Variants in MTFP1 observed in about 807,000 individuals in gnomAD.
The protein encoded by MTFP1 is mitochondrial fission process 1, also known as mitochondrial fission process protein 1.
MTFP1 carries 19 observed loss-of-function variants against 17.1 expected under a neutral mutation model. The ratio of observed to expected loss-of-function variants is 1.11; its 90% confidence interval spans 0.77 to 1.63. The LOEUF is 1.63. Among genes scored for constraint, MTFP1 ranks in the 40% most tolerant of loss-of-function variants. The pLI, the probability that MTFP1 is intolerant of heterozygous loss-of-function variation, is 0.00. For missense variants in MTFP1, 221 were observed against 226.2 expected, an observed-to-expected ratio of 0.98 and a Z score of 0.15; for synonymous variants, 89 against 95.2, an observed-to-expected ratio of 0.93 and a Z score of 0.38.
At chr22:30,427,688 C>T (rs1934698396) in intron 3 of MTFP1, among the ~76,000 whole-genome samples, 1 of 152,170 alleles carries the variant, frequency 6.6e-6, no homozygotes, top group Admixed American at 6.5e-5. Flanking sequence ...TACAAAACAA[C>T]CAGAGAGAAG....
Position 30,428,634 on chromosome 22 carries a change from A to C in MTFP1, c.*100A>C, listed in dbSNP as rs114347202. ...ACACCTGGCTCCCTGGTGTCCAAAG[A>C]CCCTGGCACCTGGGTGGGTTTGAGC... On this transcript the variant is annotated 3_prime_UTR_variant, in exon 4 of 4. Coordinates refer to ENST00000266263, the MANE Select transcript of MTFP1 (RefSeq NM_016498.5). 9.8e-5 allele frequency: 157 copies of C among 1,609,792 alleles called. No homozygotes were observed. Among genetic ancestry groups the C allele is most frequent in the South Asian group, 9.2e-4 (83 of 89,842 alleles).
At chr22:30,428,406 C>G in intron 3 of MTFP1, 56 bp from the exon 4 acceptor site, 2 of 1,506,536 alleles carry the variant, frequency 1.3e-6, no homozygotes, top group East Asian at 2.3e-5. Flanking sequence ...CTTCTGCCTT[C>G]TGTTCCCTCA....
At position 30,425,865 on chromosome 22, in the gene MTFP1, C is replaced by T. The variant is rs1934657297; in HGVS notation, c.-15C>T. 1.3e-6 allele frequency: 2 copies of T among 1,532,032 alleles called. No homozygotes were observed. Among genetic ancestry groups the T allele is most frequent in the Non-Finnish European group, 1.8e-6 (2 of 1,140,418 alleles). 94.9% of individuals were successfully genotyped at this position (1,532,032 alleles called of 1,614,324 possible). A position where few individuals can be genotyped will look rare whatever the true frequency, so the allele number is the denominator to read the frequency against. On this transcript the variant is annotated 5_prime_UTR_variant, in exon 1 of 4. Transcript: ENST00000266263. ...CAGTACCGGCTGTAGTGGCCGGGGCCGTGGCGGGAGAGTCATGTCAGAGCC... is the reference window on the plus strand; with the variant it reads ...CAGTACCGGCTGTAGTGGCCGGGGCTGTGGCGGGAGAGTCATGTCAGAGCC...
Position 30,428,794 on chromosome 22 carries a change from C to G in MTFP1, c.*260C>G. 1.1e-6 allele frequency: 1 copy of G among 916,942 alleles called. No homozygotes were observed. The highest frequency in any genetic ancestry group is 1.7e-6 in the Non-Finnish European group (1 of 596,704). The allele number at this position is 916,942 out of a possible 1,614,324, so 56.8% of individuals were successfully genotyped here. ...AAGTGGACCCTGGGTGGGCCCGGCCCTGTCTTTTTCAGGAAAATTACATCC... is the reference window on the plus strand; with the variant it reads ...AAGTGGACCCTGGGTGGGCCCGGCCGTGTCTTTTTCAGGAAAATTACATCC... On this transcript the variant is annotated 3_prime_UTR_variant, in exon 4 of 4. Coordinates refer to ENST00000266263, the MANE Select transcript of MTFP1 (RefSeq NM_016498.5).
At position 30,427,227 on chromosome 22, in the gene MTFP1, C is replaced by G. The variant is rs757133098; in HGVS notation, c.252C>G (p.Thr84=). 6.2e-7 allele frequency: 1 copy of G among 1,614,094 alleles called. No individual in the cohort carries two copies. The highest frequency in any genetic ancestry group is 1.7e-5 in the Admixed American group (1 of 60,034). ...GGGTGACTGTGGCTGTGGTGGACAC[C>G]TTTGTATGGCAGGCTCTAGCCTCTG... The part of the protein sequence containing the change: ...SARVTVAVVD[T]FVWQALASVA... The change falls in exon 3 of 4, where the codon ACC becomes ACG. Residue 84 remains threonine, a synonymous_variant. Transcript: ENST00000266263.
At chr22:30,426,155 G>A (rs1176025235) in intron 1 of MTFP1, among the ~76,000 whole-genome samples, 1 of 152,228 alleles carries the variant, frequency 6.6e-6, no homozygotes, top group African/African-American at 2.4e-5. Context: ...CTCCCATGGG[G>A]TGAGCGGGCT....
intron 2 of MTFP1, 81 bp from the exon 3 acceptor site, chr22:30,427,084 TTGCCCC>T: frequency 6.7e-7 from 1 of 1,486,978 alleles, no homozygotes; most frequent in Non-Finnish European, 9.4e-7. Context: ...CACTGGCCAC[TTGCCCC>T]TCCCGGTCTA....
Position 30,428,820 on chromosome 22 carries a change from TC to T in MTFP1, c.*289del. 7.1e-6 allele frequency: 5 copies of T among 707,886 alleles called. No homozygotes were observed. Among genetic ancestry groups the T allele is most frequent in the African/African-American group, 1.8e-5 (1 of 55,782 alleles). 43.9% of individuals were successfully genotyped at this position (707,886 alleles called of 1,614,324 possible). ...TGTCTTTTTCAGGAAAATTACATCCTCCCATGGAGGATGAGAGACTGAGGCT... is the reference window on the plus strand; with the variant it reads ...TGTCTTTTTCAGGAAAATTACATCCTCCATGGAGGATGAGAGACTGAGGCT... On this transcript the variant is annotated 3_prime_UTR_variant, in exon 4 of 4. Coordinates refer to ENST00000266263, the MANE Select transcript of MTFP1 (RefSeq NM_016498.5).
Position 30,427,336 on chromosome 22 carries a change from G to A in MTFP1, c.361G>A (p.Val121Ile), listed in dbSNP as rs181729673. Reference sequence around the variant, plus strand: ...CACTGCCACCCGCTGGCCCCTGGCTGTCCGCAAGTGGACCACCACCGCGCT... The same window carrying A: ...CACTGCCACCCGCTGGCCCCTGGCTATCCGCAAGTGGACCACCACCGCGCT... ...LGTATRWPLAVRKWTTTALGL... is the reference protein window; with the variant it reads ...LGTATRWPLAIRKWTTTALGL... The change falls in exon 3 of 4, where the codon GTC becomes ATC. Residue 121 changes from valine (V) to isoleucine (I), a missense_variant. Physicochemically the swap from Val to Ile is conservative, Grantham distance 29 (BLOSUM62 3). Coordinates refer to ENST00000266263, the MANE Select transcript of MTFP1 (RefSeq NM_016498.5). 4.3e-6 allele frequency: 7 copies of A among 1,614,132 alleles called. No individual in the cohort carries two copies. In the East Asian group the frequency reaches 1.3e-4, roughly 31 times the overall value.
At position 30,425,870 on chromosome 22, in the gene MTFP1, C is replaced by T; in HGVS notation, c.-10C>T. ...CCGGCTGTAGTGGCCGGGGCCGTGG[C>T]GGGAGAGTCATGTCAGAGCCGCAGC... is the stretch of plus-strand genomic sequence containing the variant. On this transcript the variant is annotated 5_prime_UTR_variant, in exon 1 of 4. Coordinates refer to ENST00000266263, the MANE Select transcript of MTFP1 (RefSeq NM_016498.5). 6.5e-7 allele frequency: 1 copy of T among 1,531,992 alleles called. No individual in the cohort carries two copies. The highest frequency in any genetic ancestry group is 8.8e-7 in the Non-Finnish European group (1 of 1,140,310). The allele number at this position is 1,531,992 out of a possible 1,614,324, so 94.9% of individuals were successfully genotyped here.
In MTFP1 at chr22:30,426,788, G is replaced by A. The variant is rs369159462; in HGVS notation, c.139G>A (p.Val47Met). ...PAAVVWLSYG[V>M]ASSYVLADAI... ...GGCGGTGGTGTGGCTGAGCTATGGCGTGGCCAGCTCCTACGTGCTGGCGGA... is the reference window on the plus strand; with the variant it reads ...GGCGGTGGTGTGGCTGAGCTATGGCATGGCCAGCTCCTACGTGCTGGCGGA... Residue 47 changes from valine (V) to methionine (M), a missense_variant, in exon 2 of 4, where the codon GTG becomes ATG. Coordinates refer to ENST00000266263, the MANE Select transcript of MTFP1 (RefSeq NM_016498.5). 7.4e-6 allele frequency: 12 copies of A among 1,613,704 alleles called. No individual in the cohort carries two copies. In the African/African-American group the frequency reaches 9.3e-5, roughly 13 times the overall value.
chr22:30,428,711 C>A lies in MTFP1; in HGVS notation c.*177C>A. 6.3e-7 allele frequency: 1 copy of A among 1,585,108 alleles called. No individual in the cohort carries two copies. The highest frequency in any genetic ancestry group is 8.7e-7 in the Non-Finnish European group (1 of 1,154,424). On this transcript the variant is annotated 3_prime_UTR_variant, in exon 4 of 4. Transcript: ENST00000266263. ...TCAAGAAGCAGTGGCTGCAGGGAGTCACAGAAGGGCAGGACCTGAACGCTG... is the reference window on the plus strand; with the variant it reads ...TCAAGAAGCAGTGGCTGCAGGGAGTAACAGAAGGGCAGGACCTGAACGCTG...
At chr22:30,426,891 G>A (rs755154331) in intron 2 of MTFP1, 47 bp downstream of exon 2, 2 of 1,600,224 alleles carry the variant, frequency 1.2e-6, no homozygotes, top group Non-Finnish European at 8.5e-7. Context: ...CTCTCTTCTT[G>A]TGTGGTTCAG....
At chr22:30,427,436 C>G (rs1569217090) in intron 3 of MTFP1, 33 bp downstream of exon 3, 16 of 1,584,338 alleles carry the variant, frequency 1.0e-5, no homozygotes, top group Non-Finnish European at 1.4e-5. Context: ...GGATCATCCA[C>G]TCTCCAGTGA....
In MTFP1 at chr22:30,426,855, GCCTATTTTCCAACCCCCAA is replaced by G. The variant is rs924441296; in HGVS notation, c.195+14_195+32del. On this transcript the variant is annotated intron_variant, in intron 2 of 3. Coordinates refer to ENST00000266263, the MANE Select transcript of MTFP1 (RefSeq NM_016498.5). ...AAGAAGGCTGGAGAGGTGAGTGTTA[GCCTATTTTCCAACCCCCAA>G]CCCTAGCTCTCTTCTTGTGTGGTTC... 6.2e-7 allele frequency: 1 copy of G among 1,607,218 alleles called. No homozygotes were observed. Among genetic ancestry groups the G allele is most frequent in the African/African-American group, 1.3e-5 (1 of 74,922 alleles).
chr22:30,429,005 CAGATT>C lies in MTFP1; in HGVS notation c.*472_*476del. ...GTGCAGTACCAGGGACACCTCAGGACAGATTCTCTGGCCAGGCCCTTCCCTGACCC... is the reference window on the plus strand; with the variant it reads ...GTGCAGTACCAGGGACACCTCAGGACCTCTGGCCAGGCCCTTCCCTGACCC... On this transcript the variant is annotated 3_prime_UTR_variant, in exon 4 of 4. Transcript: ENST00000266263. The C allele has an allele frequency of 2.9e-6, 1 of 349,046 alleles. No individual in the cohort carries two copies. The highest frequency in any genetic ancestry group is 2.9e-5 in the South Asian group (1 of 34,668). 21.6% of individuals were successfully genotyped at this position (349,046 alleles called of 1,614,324 possible). A position where few individuals can be genotyped will look rare whatever the true frequency, so the allele number is the denominator to read the frequency against.
In MTFP1 at chr22:30,428,815, C is replaced by T; in HGVS notation, c.*281C>T. 2 of 733,642 alleles carry T rather than the reference C, an allele frequency of 2.7e-6. No homozygotes were observed. Among genetic ancestry groups the T allele is most frequent in the Non-Finnish European group, 4.5e-6 (2 of 440,892 alleles). 45.4% of individuals were successfully genotyped at this position (733,642 alleles called of 1,614,324 possible). A position where few individuals can be genotyped will look rare whatever the true frequency, so the allele number is the denominator to read the frequency against. On this transcript the variant is annotated 3_prime_UTR_variant, in exon 4 of 4. Coordinates refer to ENST00000266263, the MANE Select transcript of MTFP1 (RefSeq NM_016498.5). ...GGCCCTGTCTTTTTCAGGAAAATTA[C>T]ATCCTCCCATGGAGGATGAGAGACT...
Position 30,428,708 on chromosome 22 carries a change from A to G in MTFP1, c.*174A>G. 1 of 1,593,338 alleles carries G rather than the reference A, an allele frequency of 6.3e-7. No individual in the cohort carries two copies. Among genetic ancestry groups the G allele is most frequent in the South Asian group, 1.1e-5 (1 of 90,432 alleles). On this transcript the variant is annotated 3_prime_UTR_variant, in exon 4 of 4. Transcript: ENST00000266263. The stretch of plus-strand genomic sequence containing the variant: ...GCTTCAAGAAGCAGTGGCTGCAGGG[A>G]GTCACAGAAGGGCAGGACCTGAACG...
intron 1 of MTFP1, 106 bp downstream of exon 1, chr22:30,426,052 TCTC>T: frequency 9.0e-7 from 1 of 1,110,316 alleles, no homozygotes; most frequent in Admixed American, 3.3e-5. Context: ...TGATCTTAGT[TCTC>T]ATTCTGCTTT....
Sources: gnomAD v4.1 joint callset for allele counts (sites outside exome capture counted in the v4.1 genomes callset) on GRCh38, gnomAD v4.1.1 for gene constraint, MANE v1.5 for transcripts, NCBI Gene and HGNC (gene_info 2026-07-23, HGNC 2026-07-21) for gene names.